Variants in PACRG observed in about 807,000 individuals in gnomAD.
PACRG encodes parkin coregulated.
PACRG carries 29 observed loss-of-function variants against 29.7 expected under a neutral mutation model. That is an observed-to-expected ratio of 0.98 (90% CI 0.73 to 1.33). The LOEUF is 1.33. PACRG is among the 40% of genes most tolerant of loss of function. PACRG has a pLI of 0.00. For synonymous variants in PACRG, 116 were observed against 118.7 expected (o/e 0.98, Z 0.15); for missense variants, 279 against 316.2 (o/e 0.88, Z 0.89).
intron 2 of PACRG, among the ~76,000 whole-genome samples, chr6:162,831,366 A>G (rs1788758366): frequency 1.3e-5 from 2 of 152,238 alleles, no homozygotes; most frequent in South Asian, 4.1e-4. Context: ...GACATTGATT[A>G]GATGCTGTAC....
intron 2 of PACRG, among the ~76,000 whole-genome samples, chr6:163,032,898 C>G (rs1807800326): frequency 6.6e-6 from 1 of 152,130 alleles, no homozygotes; most frequent in African/African-American, 2.4e-5. Flanking sequence ...GGTTTTTGCT[C>G]TAAGAAAAAC....
intron 2 of PACRG, among the ~76,000 whole-genome samples, chr6:163,015,924 T>C (rs1806056018): frequency 6.6e-6 from 1 of 152,230 alleles, no homozygotes; most frequent in Non-Finnish European, 1.5e-5. Context: ...AAAATCATAA[T>C]AAGTTTTTAT....
At chr6:162,959,829 A>C (rs1456691954) in intron 2 of PACRG, among the ~76,000 whole-genome samples, 1 of 152,172 alleles carries the variant, frequency 6.6e-6, no homozygotes, top group African/African-American at 2.4e-5. Context: ...TATGACAGAA[A>C]AAAGAATTCT....
intron 4 of PACRG, among the ~76,000 whole-genome samples, chr6:163,198,815 G>T (rs1007876162): frequency 6.6e-6 from 1 of 152,202 alleles, no homozygotes; most frequent in African/African-American, 2.4e-5. Context: ...GCCCAAGGCG[G>T]TTGGGGCACA....
chr6:163,267,767 T>C (rs1783585472), intron 4 of PACRG, among the ~76,000 whole-genome samples: 1 of 152,246 alleles, frequency 6.6e-6, no homozygotes, highest in Admixed American at 6.5e-5. Flanking sequence ...GAGTAAAGGC[T>C]TACTAAGCAA....
chr6:163,278,233 A>G (rs1784115529), intron 4 of PACRG, among the ~76,000 whole-genome samples: 1 of 152,108 alleles, frequency 6.6e-6, no homozygotes. Flanking sequence ...GATTCTGGAT[A>G]TTAGTACTTT....
At chr6:163,095,528 G>A (rs1307066691) in intron 4 of PACRG, 1 of 799,200 alleles carries the variant, frequency 1.3e-6, no homozygotes, top group Admixed American at 6.2e-5. Flanking sequence ...GAGGCTACGA[G>A]TTAAAGATCA....
rs59938445 is a variant in PACRG at position 162,984,978 on chromosome 6, T to C, written c.292-77172T>C. On this transcript the variant is annotated intron_variant, in intron 2 of 4. Coordinates refer to ENST00000366888, the MANE Select transcript of PACRG (RefSeq NM_001080379.2). ...TGGGTTGTCTGTTAACTGTGCTGAT[T>C]ACTTGTTTTGCTGTGCAGAAGCTTA... 1.9e-4 allele frequency among the ~76,000 whole-genome samples: 29 copies of C among 151,934 alleles called. 1 individual carries two copies. Among genetic ancestry groups the C allele is most frequent in the Admixed American group, 1.9e-3 (29 of 15,214 alleles).
At chr6:162,782,290 C>T (rs1443257198) in intron 1 of PACRG, among the ~76,000 whole-genome samples, 2 of 151,858 alleles carry the variant, frequency 1.3e-5, no homozygotes, top group East Asian at 1.9e-4. Flanking sequence ...GAGATTTCAA[C>T]ACCTATTCCT....
chr6:162,875,547 A>G (rs1793267406), intron 2 of PACRG, among the ~76,000 whole-genome samples: 1 of 152,246 alleles, frequency 6.6e-6, no homozygotes, highest in Non-Finnish European at 1.5e-5. Context: ...AAACATTTTA[A>G]AAACTCTTAG....
rs1286202254 is a variant in PACRG at position 162,874,154 on chromosome 6, AT to A, written c.291+59874del. Among the ~76,000 whole-genome samples, 706 of 97,376 alleles carry A rather than the reference AT, an allele frequency of 7.3e-3. 4 individuals carry two copies. The highest frequency in any genetic ancestry group is 0.019 in the East Asian group (57 of 3,004). 63.9% of individuals were successfully genotyped at this position (97,376 alleles called of 152,430 possible). The stretch of plus-strand genomic sequence containing the variant: ...ATGAGGGAGTTAAAAAAAAAAAAAT[AT>A]ATATATATATATGTATATATATGCT... On this transcript the variant is annotated intron_variant, in intron 2 of 4. Transcript: ENST00000366888.
chr6:162,931,746 G>T lies in PACRG; in HGVS notation c.291+117465G>T, dbSNP rs187825867. 4.2e-3 allele frequency among the ~76,000 whole-genome samples: 638 copies of T among 152,052 alleles called. 5 individuals are homozygous for T. The highest frequency in any genetic ancestry group is 5.1e-3 in the Non-Finnish European group (346 of 67,862). On this transcript the variant is annotated intron_variant, in intron 2 of 4. Coordinates refer to ENST00000366888, the MANE Select transcript of PACRG (RefSeq NM_001080379.2). ...CTATTAGAGTGGCTACAATGAAAAA[G>T]ACTTATTATGTCATGTGTTGGTGAG...
chr6:163,027,152 GA>G, intron 2 of PACRG, among the ~76,000 whole-genome samples: 1 of 152,216 alleles, frequency 6.6e-6, no homozygotes, highest in Non-Finnish European at 1.5e-5. Context: ...TATAGGATGA[GA>G]AATTTACTTT....
intron 4 of PACRG, among the ~76,000 whole-genome samples, chr6:163,140,723 A>T (rs973287202): frequency 6.6e-6 from 1 of 152,270 alleles, no homozygotes; most frequent in African/African-American, 2.4e-5. Flanking sequence ...ATTAAAATAA[A>T]TTCCTATAAC....
At chr6:163,041,956 C>T (rs2128237812) in intron 2 of PACRG, among the ~76,000 whole-genome samples, 1 of 152,296 alleles carries the variant, frequency 6.6e-6, no homozygotes, top group Non-Finnish European at 1.5e-5. Flanking sequence ...ACTTCCGCCT[C>T]CCGGGTTCAA....
intron 4 of PACRG, among the ~76,000 whole-genome samples, chr6:163,205,901 T>A (rs1221383489): frequency 2.6e-5 from 4 of 151,866 alleles, no homozygotes; most frequent in African/African-American, 9.7e-5. Flanking sequence ...AGTGGGCAAA[T>A]GACATGAACA....
At chr6:162,904,754 A>G (rs897695572) in intron 2 of PACRG, among the ~76,000 whole-genome samples, 2 of 152,206 alleles carry the variant, frequency 1.3e-5, no homozygotes, top group East Asian at 3.9e-4. Context: ...CCAGTGCCTG[A>G]CCTGTTTAGT....
chr6:163,247,443 T>C lies in PACRG; in HGVS notation c.614-67384T>C, dbSNP rs918703846. Among the ~76,000 whole-genome samples the C allele has an allele frequency of 1.3e-5, 2 of 152,202 alleles. 1 individual carries two copies. The highest frequency in any genetic ancestry group is 4.1e-4 in the South Asian group (2 of 4,830). On this transcript the variant is annotated intron_variant, in intron 4 of 4. Transcript: ENST00000366888. ...AAGAATTGCAATGTGCTTTATATTA[T>C]GTAGTTTATCTTCTAAAAAATTAAA...
At chr6:162,899,024 TA>T (rs1370012669) in intron 2 of PACRG, among the ~76,000 whole-genome samples, 1 of 152,212 alleles carries the variant, frequency 6.6e-6, no homozygotes, top group African/African-American at 2.4e-5. Context: ...GTGTTAAATA[TA>T]AATACCTGTT....
Sources: allele counts gnomAD v4.1 joint callset (sites outside exome capture counted in the v4.1 genomes callset), GRCh38; gene constraint gnomAD v4.1.1; transcripts MANE v1.5; gene names NCBI Gene and HGNC (gene_info 2026-07-23, HGNC 2026-07-21).